Variants in RAB38 observed in about 807,000 individuals in gnomAD.
The protein encoded by RAB38 is RAB38, member RAS oncogene family.
A neutral mutation model predicts 18.4 loss-of-function variants in RAB38; 15 were observed. The observed-to-expected ratio is 0.82, with a 90% CI of 0.55 to 1.26. The LOEUF is 1.26. Among genes scored for constraint, RAB38 ranks in the 50% most tolerant of loss-of-function variants. The pLI is 0.00. For missense variants in RAB38, 294 were observed against 267.4 expected (o/e 1.10, Z -0.69); for synonymous variants, 101 against 104.4 (o/e 0.97, Z 0.20).
chr11:87,850,637 G>A, the RAB38 span, among the ~76,000 whole-genome samples: 7 of 151,180 alleles, frequency 4.6e-5, no homozygotes, highest in African/African-American at 9.7e-5. Flanking sequence ...TACCTTCTTC[G>A]TCTTTTCTTC....
the RAB38 span, among the ~76,000 whole-genome samples, chr11:87,870,667 G>T: frequency 6.6e-6 from 1 of 151,602 alleles, no homozygotes; most frequent in African/African-American, 2.4e-5. Context: ...ATTGGAGCAG[G>T]AAAGTGATAA....
At chr11:88,029,608 C>T in the RAB38 span, among the ~76,000 whole-genome samples, 3 of 152,100 alleles carry the variant, frequency 2.0e-5, no homozygotes, top group Non-Finnish European at 4.4e-5. Context: ...GACTTTAAAC[C>T]AACAAAGATC....
At chr11:87,839,639 A>AATCTT in the RAB38 span, among the ~76,000 whole-genome samples, 1 of 152,222 alleles carries the variant, frequency 6.6e-6, no homozygotes, top group East Asian at 1.9e-4. Context: ...TTTAACTGTC[A>AATCTT]ATCTTATCAG....
chr11:88,011,451 C>T, the RAB38 span, among the ~76,000 whole-genome samples: 1 of 152,138 alleles, frequency 6.6e-6, no homozygotes, highest in Admixed American at 6.5e-5. Flanking sequence ...GTAGACTGAC[C>T]TGCATAGAGT....
At chr11:88,106,205 C>T in the RAB38 span, among the ~76,000 whole-genome samples, 1 of 152,026 alleles carries the variant, frequency 6.6e-6, no homozygotes, top group Non-Finnish European at 1.5e-5. Flanking sequence ...AAGAAACTAA[C>T]ATATATTAAG....
the RAB38 span, among the ~76,000 whole-genome samples, chr11:87,950,115 T>C: frequency 7.9e-5 from 12 of 152,218 alleles, no homozygotes; most frequent in African/African-American, 2.9e-4. Context: ...TACCTCTTCT[T>C]GTTGAATTGA....
chr11:87,922,932 G>GA, the RAB38 span, among the ~76,000 whole-genome samples: 1 of 151,162 alleles, frequency 6.6e-6, no homozygotes, highest in Non-Finnish European at 1.5e-5. Flanking sequence ...AAAGAAAAGG[G>GA]AATCAGAAGG....
chr11:88,011,579 G>A, the RAB38 span, among the ~76,000 whole-genome samples: 1 of 152,136 alleles, frequency 6.6e-6, no homozygotes, highest in South Asian at 2.1e-4. Context: ...GACTGAAATA[G>A]CAAGATTTCC....
At chr11:88,148,511 C>T (rs887479963) in intron 2 of RAB38, among the ~76,000 whole-genome samples, 6 of 152,160 alleles carry the variant, frequency 3.9e-5, no homozygotes, top group Admixed American at 6.5e-5. Flanking sequence ...CCCTCCAATC[C>T]GTCTTCTATA....
the RAB38 span, among the ~76,000 whole-genome samples, chr11:88,057,839 A>G: frequency 6.6e-6 from 1 of 152,122 alleles, no homozygotes; most frequent in South Asian, 2.1e-4. Context: ...GTTCTTCTTC[A>G]TCTCTACCCC....
chr11:88,026,480 G>A, the RAB38 span, among the ~76,000 whole-genome samples: 2 of 148,122 alleles, frequency 1.4e-5, no homozygotes, highest in African/African-American at 5.0e-5. Context: ...GGAGAATGGT[G>A]TGAACCCGGG....
At chr11:87,806,356 G>A in the RAB38 span, among the ~76,000 whole-genome samples, 1 of 152,050 alleles carries the variant, frequency 6.6e-6, no homozygotes, top group African/African-American at 2.4e-5. Context: ...TTGCTTCATA[G>A]GTGGCACCTT....
chr11:88,088,276 TA>T, the RAB38 span, among the ~76,000 whole-genome samples: 1 of 152,118 alleles, frequency 6.6e-6, no homozygotes. Context: ...TATGTATTTG[TA>T]AAACAACAAA....
chr11:88,109,281 T>C (rs1173532968), downstream of RAB38, among the ~76,000 whole-genome samples: 2 of 152,204 alleles, frequency 1.3e-5, no homozygotes, highest in Non-Finnish European at 2.9e-5. Flanking sequence ...AAGGATTCCC[T>C]ATTTAATAAA....
At chr11:88,106,857 A>T in the RAB38 span, among the ~76,000 whole-genome samples, 3 of 152,300 alleles carry the variant, frequency 2.0e-5, no homozygotes, top group South Asian at 6.2e-4. Flanking sequence ...CCAAGAAGCC[A>T]ATGTTTTAAG....
At chr11:88,144,786 G>A (rs1261262620) in intron 2 of RAB38, among the ~76,000 whole-genome samples, 1 of 151,942 alleles carries the variant, frequency 6.6e-6, no homozygotes, top group Non-Finnish European at 1.5e-5. Flanking sequence ...GACTGGGATA[G>A]GGGAGCAAGA....
chr11:87,813,533 ACAT>A, the RAB38 span, among the ~76,000 whole-genome samples: 1 of 149,256 alleles, frequency 6.7e-6, no homozygotes, highest in Non-Finnish European at 1.5e-5. Flanking sequence ...ACACACACAC[ACAT>A]CTCTGTCAGA....
chr11:87,849,836 T>C, the RAB38 span, among the ~76,000 whole-genome samples: 2 of 152,264 alleles, frequency 1.3e-5, no homozygotes, highest in African/African-American at 4.8e-5. Flanking sequence ...ACAATGATCT[T>C]GTTTCTTGCC....
intron 2 of RAB38, chr11:88,115,329 T>C (rs560803227): frequency 3.2e-4 from 48 of 152,354 alleles, no homozygotes; most frequent in African/African-American, 1.2e-3. Context: ...GAAATACTTA[T>C]CCCTGATTTT....
Sources: gnomAD v4.1 joint callset for allele counts (sites outside exome capture counted in the v4.1 genomes callset) on GRCh38, gnomAD v4.1.1 for gene constraint, MANE v1.5 for transcripts, NCBI Gene and HGNC (gene_info 2026-07-23, HGNC 2026-07-21) for gene names.